ZNF71: variants seen among roughly 807,000 people sequenced by gnomAD.
The protein encoded by ZNF71 is endothelial zinc finger protein induced by tumor necrosis factor alpha.
A neutral mutation model predicts 6.7 loss-of-function variants in ZNF71; 3 were observed. The observed-to-expected ratio is 0.45, with a 90% CI of 0.20 to 1.16. The LOEUF (loss-of-function observed/expected upper bound fraction) is 1.16, where lower values mean the gene tolerates loss of function less well. Ranked by LOEUF, ZNF71 falls within the 50% of genes most tolerant of loss-of-function variation. The pLI, the probability that ZNF71 is intolerant of heterozygous loss-of-function variation, is 0.25. For missense variants in ZNF71, 688 were observed against 728.6 expected (o/e 0.94, Z 0.64); for synonymous variants, 343 against 311.1 (o/e 1.10, Z -1.08).
intron 2 of ZNF71, among the ~76,000 whole-genome samples, chr19:56,607,377 A>G (rs893831111): frequency 2.0e-5 from 3 of 152,176 alleles, no homozygotes; most frequent in African/African-American, 7.2e-5. Flanking sequence ...GGGCCTGTTC[A>G]AGGTACCATG....
In ZNF71 at chr19:56,622,719, A is replaced by C; in HGVS notation, c.1612A>C (p.Asn538His). ...CGAGTGCGGGAAGACCTTCAGCCGCAACACGAACCTGACGCGCCACCTGCG... is the reference window on the plus strand; with the variant it reads ...CGAGTGCGGGAAGACCTTCAGCCGCCACACGAACCTGACGCGCCACCTGCG... Reference protein sequence around the residue: ...CGECGKTFSRNTNLTRHLRIH... With the variant: ...CGECGKTFSRHTNLTRHLRIH... Residue 538 changes from asparagine (N) to histidine (H), a missense_variant, in exon 4 of 4, where the codon AAC (asparagine) becomes CAC (histidine). Physicochemically the swap from Asn to His is moderately conservative, Grantham distance 68 (BLOSUM62 1). Coordinates refer to ENST00000599599, the MANE Select transcript of ZNF71 (RefSeq NM_001370215.1). 6.2e-7 allele frequency: 1 copy of C among 1,611,278 alleles called. No individual in the cohort carries two copies. Among genetic ancestry groups the C allele is most frequent in the South Asian group, 1.1e-5 (1 of 90,764 alleles).
Position 56,595,852 on chromosome 19 carries a change from T to TG in ZNF71, c.-53+424_-53+425insG, listed in dbSNP as rs1491586537. 1.0e-3 allele frequency among the ~76,000 whole-genome samples: 140 copies of TG among 135,760 alleles called. 2 individuals are homozygous for TG. Among genetic ancestry groups the TG allele is most frequent in the South Asian group, 5.1e-3 (20 of 3,912 alleles). 89.1% of individuals were successfully genotyped at this position (135,760 alleles called of 152,430 possible). ...TGGATATTGTGATTGTGTGTGTGTG[T>TG]TTGTGTGTGTGTGTGTGTGTGTGTG... On this transcript the variant is annotated intron_variant, in intron 1 of 3. Coordinates refer to ENST00000599599, the MANE Select transcript of ZNF71 (RefSeq NM_001370215.1).
intron 3 of ZNF71, among the ~76,000 whole-genome samples, chr19:56,617,226 T>A (rs1430859832): frequency 4.0e-5 from 6 of 151,402 alleles, no homozygotes. Context: ...TTCTCCTGCC[T>A]CAGCCTCCTA....
chr19:56,601,093 G>A (rs2044667471), intron 1 of ZNF71, among the ~76,000 whole-genome samples: 2 of 152,158 alleles, frequency 1.3e-5, no homozygotes, highest in South Asian at 4.1e-4. Context: ...GGGAATGTGT[G>A]TGAGTGTATG....
chr19:56,599,764 G>A (rs541058146), intron 1 of ZNF71, among the ~76,000 whole-genome samples: 15 of 149,468 alleles, frequency 1.0e-4, no homozygotes, highest in African/African-American at 3.5e-4. Context: ...TGCCATCTCA[G>A]CTCACTGCAA....
In ZNF71 at chr19:56,601,589, C is replaced by G; in HGVS notation, c.31C>G (p.Leu11Val). 2.0e-6 allele frequency: 2 copies of G among 985,912 alleles called. No homozygotes were observed. The highest frequency in any genetic ancestry group is 2.4e-6 in the Non-Finnish European group (2 of 830,086). 61.1% of individuals were successfully genotyped at this position (985,912 alleles called of 1,614,324 possible). ...TGCTCAGCTGCTGACTGATGAGGCA[C>G]TGGTGAGTCATGTTGCCCTGTCACT... The part of the protein sequence containing the change: MAAQLLTDEA[L>V]ESVTFRDVTV... Residue 11 changes from leucine (L) to valine (V), a missense_variant and splice_region_variant, in exon 2 of 4, where the codon CTG becomes GTG. Physicochemically the swap from Leu to Val is conservative, Grantham distance 32. Coordinates refer to ENST00000599599, the MANE Select transcript of ZNF71 (RefSeq NM_001370215.1).
chr19:56,595,925 C>G (rs967036195), intron 1 of ZNF71, among the ~76,000 whole-genome samples: 14 of 145,630 alleles, frequency 9.6e-5, no homozygotes, highest in African/African-American at 3.6e-4. Context: ...CGTCCAGAGG[C>G]TGGGTCTGTG....
rs74669105 is a variant in ZNF71, at chr19:56,603,783, G to GTT, written c.33+2205_33+2206dup. Among the ~76,000 whole-genome samples the GTT allele has an allele frequency of 2.8e-5, 4 of 142,148 alleles. No homozygotes were observed. The highest frequency in any genetic ancestry group is 1.5e-5 in the Non-Finnish European group (1 of 64,668). 93.3% of individuals were successfully genotyped at this position (142,148 alleles called of 152,430 possible). On this transcript the variant is annotated intron_variant, in intron 2 of 3. Transcript: ENST00000599599. The surrounding 1 kb of genome is among the most constrained non-coding windows in gnomAD (Gnocchi z 4.6). Reference sequence around the variant, plus strand: ...AACAGGGTTGGGAGTTTTGGTTTAAGTTTTTTTTTTTTTTAATTACTACTA... The same window carrying GTT: ...AACAGGGTTGGGAGTTTTGGTTTAAGTTTTTTTTTTTTTTTTAATTACTACTA...
At chr19:56,597,598 A>G (rs1016676579) in intron 1 of ZNF71, among the ~76,000 whole-genome samples, 1 of 152,238 alleles carries the variant, frequency 6.6e-6, no homozygotes, top group African/African-American at 2.4e-5. Context: ...CACTTAGTGA[A>G]ACCACAGACA....
rs758985174 is a variant in ZNF71, at chr19:56,621,459, C to T, written c.352C>T (p.Pro118Ser). 10 of 1,613,930 alleles carry T rather than the reference C, an allele frequency of 6.2e-6. No homozygotes were observed. The Admixed American group carries it at 1.2e-4, about 19-fold the overall frequency. The part of the protein sequence containing the change: ...PRGDAGAEWE[P>S]LGIPQGNKLL... Reference sequence around the variant, plus strand: ...GGGAGATGCAGGTGCAGAGTGGGAGCCATTGGGAATTCCCCAGGGGAACAA... The same window carrying T: ...GGGAGATGCAGGTGCAGAGTGGGAGTCATTGGGAATTCCCCAGGGGAACAA... Residue 118 changes from proline (P) to serine (S), a missense_variant, in exon 4 of 4, where the codon CCA (proline) becomes TCA (serine). Pro to Ser is a moderately conservative substitution (Grantham distance 74). Transcript: ENST00000599599.
chr19:56,616,322 T>A (rs569381521), intron 3 of ZNF71, among the ~76,000 whole-genome samples: 1 of 152,364 alleles, frequency 6.6e-6, no homozygotes, highest in East Asian at 1.9e-4. Context: ...TTTGCATTTT[T>A]ATCAAAAATC....
Position 56,621,788 on chromosome 19 carries a change from C to A in ZNF71, c.681C>A (p.Phe227Leu). The change falls in exon 4 of 4, where the codon TTC becomes TTA. Residue 227 changes from phenylalanine (F) to leucine (L), a missense_variant. Coordinates refer to ENST00000599599, the MANE Select transcript of ZNF71 (RefSeq NM_001370215.1). Reference protein sequence around the residue: ...PFECDTCGKHFIERSSLTIHQ... With the variant: ...PFECDTCGKHLIERSSLTIHQ... ...AGTGTGACACCTGTGGGAAGCACTT[C>A]ATCGAGCGCTCGTCCCTCACCATCC... 6.2e-7 allele frequency: 1 copy of A among 1,614,018 alleles called. No individual in the cohort carries two copies. The highest frequency in any genetic ancestry group is 8.5e-7 in the Non-Finnish European group (1 of 1,180,000).
intron 3 of ZNF71, among the ~76,000 whole-genome samples, chr19:56,616,074 A>G (rs1044994684): frequency 9.9e-5 from 15 of 151,932 alleles, no homozygotes; most frequent in African/African-American, 3.6e-4. Flanking sequence ...CAGTTTATCA[A>G]TTTTTTTTGG....
At chr19:56,601,472 C>A (rs1027295913) in intron 1 of ZNF71, 35 bp from the exon 2 acceptor site, 1 of 933,506 alleles carries the variant, frequency 1.1e-6, no homozygotes, top group Non-Finnish European at 1.3e-6. Flanking sequence ...TAGGCCTGGT[C>A]TCTCAGCATG....
Position 56,613,741 on chromosome 19 carries a change from T to C in ZNF71, c.34-71T>C. On this transcript the variant is annotated intron_variant, in intron 2 of 3. Coordinates refer to ENST00000599599, the MANE Select transcript of ZNF71 (RefSeq NM_001370215.1). The surrounding 1 kb of genome is among the most constrained non-coding windows in gnomAD (Gnocchi z 4.6). ...TCTGCCTCCCCTAAATCCTCTTGGC[T>C]TTTCTGGCCATTCCTCCACGCCTCT... The C allele has an allele frequency of 2.8e-6, 3 of 1,056,036 alleles. No individual in the cohort carries two copies. Among genetic ancestry groups the C allele is most frequent in the Non-Finnish European group, 3.5e-6 (3 of 858,454 alleles). 65.4% of individuals were successfully genotyped at this position (1,056,036 alleles called of 1,614,324 possible). A position where few individuals can be genotyped will look rare whatever the true frequency, so the allele number is the denominator to read the frequency against.
rs201755023 is a variant in ZNF71 at position 56,603,859 on chromosome 19, G to A, written c.33+2268G>A. Among the ~76,000 whole-genome samples the A allele has an allele frequency of 4.8e-5, 1 of 20,940 alleles. No homozygotes were observed. Among genetic ancestry groups the A allele is most frequent in the Non-Finnish European group, 9.2e-5 (1 of 10,844 alleles). 13.7% of individuals were successfully genotyped at this position (20,940 alleles called of 152,430 possible). ...AAAATTGAGCCTGTCTGGTTTCAGCGTTTTCCCTGTGGTGAAATGGTTTGT... is the reference window on the plus strand; with the variant it reads ...AAAATTGAGCCTGTCTGGTTTCAGCATTTTCCCTGTGGTGAAATGGTTTGT... On this transcript the variant is annotated intron_variant, in intron 2 of 3. Transcript: ENST00000599599. This position sits in a 1 kb window ranked among gnomAD's most constrained non-coding sequence, Gnocchi z 4.6.
At chr19:56,604,412 A>ATAGT (rs1348207638) in intron 2 of ZNF71, among the ~76,000 whole-genome samples, 2 of 152,230 alleles carry the variant, frequency 1.3e-5, no homozygotes, top group Non-Finnish European at 2.9e-5. Flanking sequence ...ATAAGGATCT[A>ATAGT]CAGTTGTACA....
chr19:56,608,308 T>C (rs4801345), intron 2 of ZNF71, among the ~76,000 whole-genome samples: 119,880 of 152,120 alleles, frequency 0.79, 48,142 homozygotes, highest in East Asian at 1. Flanking sequence ...CCCTGGCAGC[T>C]GCCATTCCAC....
intron 2 of ZNF71, among the ~76,000 whole-genome samples, chr19:56,607,376 C>G (rs1184720175): frequency 1.3e-5 from 2 of 152,138 alleles, no homozygotes. Flanking sequence ...TGGGCCTGTT[C>G]AAGGTACCAT....
Sources: allele counts gnomAD v4.1 joint callset (sites outside exome capture counted in the v4.1 genomes callset), GRCh38; gene constraint gnomAD v4.1.1; non-coding constraint Gnocchi (gnomAD v3.1); transcripts MANE v1.5; gene names NCBI Gene and HGNC (gene_info 2026-07-23, HGNC 2026-07-21).